C1orf167: variants seen among roughly 807,000 people sequenced by gnomAD.
C1orf167 encodes the protein uncharacterized protein C1orf167.
C1orf167 carries 153 observed loss-of-function variants against 176.5 expected under a neutral mutation model. That is an observed-to-expected ratio of 0.87 (90% CI 0.76 to 0.99). The LOEUF is 0.99. Among genes scored for constraint, C1orf167 ranks in the 50% least tolerant of loss-of-function variants. The probability of loss-of-function intolerance (pLI) is 0.00; values close to 1 mark genes in which losing one functional copy is unlikely to be tolerated. For missense variants in C1orf167, 1,490 were observed against 1,817.7 expected (o/e 0.82, Z 3.28); for synonymous variants, 594 against 752.7 (o/e 0.79, Z 3.45).
Position 11,776,479 on chromosome 1 carries a change from A to G in C1orf167, c.2180A>G (p.Tyr727Cys). The G allele has an allele frequency of 3.1e-6, 4 of 1,302,192 alleles. No individual in the cohort carries two copies. The highest frequency in any genetic ancestry group is 1.2e-5 in the South Asian group (1 of 80,842). 80.7% of individuals were successfully genotyped at this position (1,302,192 alleles called of 1,614,324 possible). ...CRQKAGREAV[Y>C]TAGPGACGLG... ...GGTTTCTCAGGACGTGAGGCTGTCT[A>G]CACCGCAGGCCCTGGAGCCTGTGGC... Residue 727 changes from tyrosine (Y) to cysteine (C), a missense_variant, in exon 10 of 21, where the codon TAC (tyrosine) becomes TGC (cysteine). Tyr to Cys is a radical substitution (Grantham distance 194, BLOSUM62 -2). Transcript: ENST00000688073.
chr1:11,763,167 T>C (rs536789441), intron 1 of C1orf167, among the ~76,000 whole-genome samples: 32 of 152,176 alleles, frequency 2.1e-4, no homozygotes, highest in Non-Finnish European at 2.6e-4. Flanking sequence ...GGGCTGGGTG[T>C]GGTGGCTCAC....
chr1:11,771,412 G>A (rs1014009931), intron 6 of C1orf167, 112 bp from the exon 7 acceptor site: 10 of 469,044 alleles, frequency 2.1e-5, no homozygotes, highest in African/African-American at 1.0e-4. Context: ...GGGACTCAGC[G>A]CCCCCTGCTC....
intron 6 of C1orf167, 113 bp downstream of exon 6, chr1:11,769,240 C>A: frequency 1.2e-6 from 1 of 860,118 alleles, no homozygotes; most frequent in Non-Finnish European, 1.4e-6. Context: ...CAGATGTGGG[C>A]AAAGATTTAT....
At chr1:11,785,045 G>C in intron 15 of C1orf167, 103 bp from the exon 16 acceptor site, 1 of 1,047,948 alleles carries the variant, frequency 9.5e-7, no homozygotes, top group South Asian at 1.7e-5. Flanking sequence ...CCCCAGCCTG[G>C]GGCTGGGCCC....
chr1:11,779,643 C>G, intron 12 of C1orf167, 159 bp from the exon 13 acceptor site: 1 of 453,388 alleles, frequency 2.2e-6, no homozygotes, highest in South Asian at 2.1e-5. Flanking sequence ...GGTGCTTGGC[C>G]CCTCCAGTCC....
rs544830292 is a variant in C1orf167 at position 11,789,190 on chromosome 1, C to T, written c.4174-80C>T. 5 of 1,240,748 alleles carry T rather than the reference C, an allele frequency of 4.0e-6. No homozygotes were observed. The African/African-American group carries it at 7.8e-5, about 19-fold the overall frequency. 76.9% of individuals were successfully genotyped at this position (1,240,748 alleles called of 1,614,324 possible). ...CCCTGGGGACAAAAGGAGCTGGGTA[C>T]AGGGGTTGCTCTAGCAGGCACAGCA... On this transcript the variant is annotated intron_variant, in intron 20 of 20. Coordinates refer to ENST00000688073, the MANE Select transcript of C1orf167 (RefSeq NM_001010881.2).
Position 11,766,731 on chromosome 1 carries a change from C to T in C1orf167, c.945C>T (p.Leu315=). 1 of 1,289,790 alleles carries T rather than the reference C, an allele frequency of 7.8e-7. No individual in the cohort carries two copies. Among genetic ancestry groups the T allele is most frequent in the Middle Eastern group, 2.1e-4 (1 of 4,696 alleles). 79.9% of individuals were successfully genotyped at this position (1,289,790 alleles called of 1,614,324 possible). The part of the protein sequence containing the change: ...TAAFLETPAS[L]SDSWAQSKLM... ...CTTTCTTGGAGACCCCGGCTAGTCT[C>T]TCAGACTCTTGGGCACAAAGCAAGC... is the stretch of plus-strand genomic sequence containing the variant. The change falls in exon 3 of 21, where the codon CTC becomes CTT. Residue 315 remains leucine, a synonymous_variant. Transcript: ENST00000688073. This position sits in a 1 kb window ranked among gnomAD's most constrained non-coding sequence, Gnocchi z 4.5.
chr1:11,789,023 C>T, intron 20 of C1orf167: 1 of 388,538 alleles, frequency 2.6e-6, no homozygotes, highest in South Asian at 2.1e-5. Context: ...CACACTAGCC[C>T]ATGGAGGGCC....
At position 11,763,113 on chromosome 1, in the gene C1orf167, T is replaced by C. The variant is rs188894073; in HGVS notation, c.-71+808T>C. 1.6e-4 allele frequency among the ~76,000 whole-genome samples: 24 copies of C among 152,082 alleles called. No homozygotes were observed. The East Asian group carries it at 4.5e-3, about 28-fold the overall frequency. On this transcript the variant is annotated intron_variant, in intron 1 of 20. Transcript: ENST00000688073. Reference sequence around the variant, plus strand: ...GGACAGTGGGCAAGGGGAAGAGGAATTGGGGAGGACCATAACTGGCAGCCA... The same window carrying C: ...GGACAGTGGGCAAGGGGAAGAGGAACTGGGGAGGACCATAACTGGCAGCCA...
chr1:11,784,140 C>T, intron 14 of C1orf167, 34 bp from the exon 15 acceptor site: 2 of 1,208,296 alleles, frequency 1.7e-6, no homozygotes, highest in Non-Finnish European at 2.1e-6. Context: ...CAAGCATGAG[C>T]CACCACACCT....
In C1orf167 at chr1:11,778,698, G is replaced by A. The variant is rs558634277; in HGVS notation, c.2378G>A (p.Arg793His). 7 of 1,303,358 alleles carry A rather than the reference G, an allele frequency of 5.4e-6. No individual in the cohort carries two copies. Among genetic ancestry groups the A allele is most frequent in the South Asian group, 2.5e-5 (2 of 80,974 alleles). 80.7% of individuals were successfully genotyped at this position (1,303,358 alleles called of 1,614,324 possible). ...FQGLQQRMLQ[R>H]SLRWWHLRAL... is the part of the protein sequence containing the mutation. ...GGCCTGCAGCAGCGGATGCTGCAGC[G>A]CAGCCTGAGATGGTGGCACTTGAGG... Residue 793 changes from arginine (R) to histidine (H), a missense_variant, in exon 11 of 21, where the codon CGC becomes CAC. Transcript: ENST00000688073.
rs1435608414 is a variant in C1orf167 at position 11,766,936 on chromosome 1, C to T, written c.1150C>T (p.Pro384Ser). ...PRGVGSRGTD[P>S]CSSAFSNTAW... The stretch of plus-strand genomic sequence containing the variant: ...AGGGGTGGGAAGCAGGGGGACCGAC[C>T]CCTGTTCCTCAGCCTTCTCCAACAC... The change falls in exon 3 of 21, where the codon CCC becomes TCC. Residue 384 changes from proline to serine, a missense_variant. Coordinates refer to ENST00000688073, the MANE Select transcript of C1orf167 (RefSeq NM_001010881.2). This position sits in a 1 kb window ranked among gnomAD's most constrained non-coding sequence, Gnocchi z 4.5. 1.6e-6 allele frequency: 2 copies of T among 1,212,536 alleles called. No individual in the cohort carries two copies. Among genetic ancestry groups the T allele is most frequent in the South Asian group, 1.5e-5 (1 of 67,962 alleles). 75.1% of individuals were successfully genotyped at this position (1,212,536 alleles called of 1,614,324 possible).
intron 8 of C1orf167, among the ~76,000 whole-genome samples, chr1:11,773,910 TAAA>T (rs1258523108): frequency 1.3e-5 from 1 of 77,324 alleles, no homozygotes; most frequent in Non-Finnish European, 3.1e-5. Flanking sequence ...TATTTTTAAT[TAAA>T]AAAAAATAGA....
In C1orf167 at chr1:11,766,646, C is replaced by T. The variant is rs1557721047; in HGVS notation, c.860C>T (p.Pro287Leu). ...PFSAHPQPSQ[P>L]VLASSDGRRR... ...TCCGCCCACCCCCAGCCCAGCCAGC[C>T]TGTCCTTGCTTCCTCGGATGGGAGG... Residue 287 changes from proline (P) to leucine (L), a missense_variant, in exon 3 of 21, where the codon CCT (proline) becomes CTT (leucine). Transcript: ENST00000688073. This position sits in a 1 kb window ranked among gnomAD's most constrained non-coding sequence, Gnocchi z 4.5. 1 of 1,289,200 alleles carries T rather than the reference C, an allele frequency of 7.8e-7. No individual in the cohort carries two copies. Among genetic ancestry groups the T allele is most frequent in the Non-Finnish European group, 1.0e-6 (1 of 988,436 alleles). 79.9% of individuals were successfully genotyped at this position (1,289,200 alleles called of 1,614,324 possible).
At chr1:11,763,042 C>G (rs12083350) in intron 1 of C1orf167, among the ~76,000 whole-genome samples, 1 of 151,998 alleles carries the variant, frequency 6.6e-6, no homozygotes, top group Non-Finnish European at 1.5e-5. Flanking sequence ...GAGGTGAGGT[C>G]GTGTGTGCCA....
chr1:11,787,318 A>C, intron 16 of C1orf167, 70 bp from the exon 17 acceptor site: 1 of 973,114 alleles, frequency 1.0e-6, no homozygotes, highest in Non-Finnish European at 1.4e-6. Context: ...AGCAGCGAAG[A>C]AATCCCAGCG....
chr1:11,785,034 GC>G, intron 15 of C1orf167, 113 bp from the exon 16 acceptor site: 1 of 977,014 alleles, frequency 1.0e-6, no homozygotes, highest in Non-Finnish European at 1.3e-6. Flanking sequence ...AGGTGGGTGG[GC>G]CCCAGCCTGG....
At position 11,775,417 on chromosome 1, in the gene C1orf167, T is replaced by C; in HGVS notation, c.1989-18T>C. ...AGATCTTGCAATTGACATGGGTACT[T>C]TCCCTCTGTTCTCCCAGGTGCTTCG... On this transcript the variant is annotated intron_variant, in intron 8 of 20. Transcript: ENST00000688073. 7.8e-7 allele frequency: 1 copy of C among 1,280,676 alleles called. No individual in the cohort carries two copies. Among genetic ancestry groups the C allele is most frequent in the East Asian group, 5.6e-5 (1 of 17,844 alleles). The allele number at this position is 1,280,676 out of a possible 1,614,324, so 79.3% of individuals were successfully genotyped here.
In C1orf167 at chr1:11,766,347, T is replaced by A; in HGVS notation, c.561T>A (p.Phe187Leu). 1 of 1,277,346 alleles carries A rather than the reference T, an allele frequency of 7.8e-7. No homozygotes were observed. Among genetic ancestry groups the A allele is most frequent in the Non-Finnish European group, 1.0e-6 (1 of 983,394 alleles). The allele number at this position is 1,277,346 out of a possible 1,614,324, so 79.1% of individuals were successfully genotyped here. The change falls in exon 3 of 21, where the codon TTT becomes TTA. Residue 187 changes from phenylalanine (F) to leucine (L), a missense_variant. Phe to Leu is a conservative substitution (Grantham distance 22). Coordinates refer to ENST00000688073, the MANE Select transcript of C1orf167 (RefSeq NM_001010881.2). The surrounding 1 kb of genome is among the most constrained non-coding windows in gnomAD (Gnocchi z 4.5). The stretch of plus-strand genomic sequence containing the variant: ...GGGACTTCAGGCCCACTGAAGCCTT[T>A]GCCCCTCTCGATGGGCATACACAGC... Reference protein sequence around the residue: ...PSGDFRPTEAFAPLDGHTQPG... With the variant: ...PSGDFRPTEALAPLDGHTQPG...
Sources: allele counts gnomAD v4.1 joint callset (sites outside exome capture counted in the v4.1 genomes callset), GRCh38; gene constraint gnomAD v4.1.1; non-coding constraint Gnocchi (gnomAD v3.1); transcripts MANE v1.5; gene names NCBI Gene and HGNC (gene_info 2026-07-23, HGNC 2026-07-21).